Variants in MACROD2 observed in about 807,000 individuals in gnomAD.
MACROD2 encodes ADP-ribose glycohydrolase MACROD2.
Under a neutral mutation model 70.4 loss-of-function variants are expected in MACROD2, and 36 were observed. That is an observed-to-expected ratio of 0.51 (90% CI 0.39 to 0.68). MACROD2 has a LOEUF of 0.68. MACROD2 is among the 30% of genes least tolerant of loss of function. The probability of loss-of-function intolerance (pLI) is 0.00; values close to 1 mark genes in which losing one functional copy is unlikely to be tolerated. For missense variants in MACROD2, 496 were observed against 538.4 expected, an observed-to-expected ratio of 0.92 and a Z score of 0.78; for synonymous variants, 172 against 178.8, an observed-to-expected ratio of 0.96 and a Z score of 0.30.
At chr20:14,147,555 T>C (rs910534375) in intron 3 of MACROD2, among the ~76,000 whole-genome samples, 10 of 152,220 alleles carry the variant, frequency 6.6e-5, no homozygotes, top group African/African-American at 2.4e-4. Context: ...TGATAAGATA[T>C]TACTTGACCT....
chr20:15,431,557 A>T, intron 7 of MACROD2, 122 bp downstream of exon 7: 1 of 878,992 alleles, frequency 1.1e-6, no homozygotes, highest in Middle Eastern at 3.0e-4. Flanking sequence ...GAGACTAAAA[A>T]TGCTCGTCAA....
chr20:14,375,313 T>C (rs2083361486), intron 3 of MACROD2, among the ~76,000 whole-genome samples: 1 of 152,130 alleles, frequency 6.6e-6, no homozygotes, highest in African/African-American at 2.4e-5. Context: ...ATAGAATATA[T>C]ATATTTAAAG....
At chr20:15,061,365 TCAATAA>T (rs1443106773) in intron 5 of MACROD2, among the ~76,000 whole-genome samples, 2 of 152,272 alleles carry the variant, frequency 1.3e-5, no homozygotes, top group Middle Eastern at 3.4e-3. Flanking sequence ...GTGGCATCAC[TCAATAA>T]CAATAAGGAA....
At chr20:14,441,556 T>C (rs2084123661) in intron 3 of MACROD2, among the ~76,000 whole-genome samples, 2 of 152,160 alleles carry the variant, frequency 1.3e-5, no homozygotes, top group African/African-American at 4.8e-5. Context: ...TCTCTCAGCT[T>C]CCAATAAAGA....
chr20:14,499,992 A>G (rs1286791082), intron 4 of MACROD2, among the ~76,000 whole-genome samples: 2 of 152,228 alleles, frequency 1.3e-5, no homozygotes, highest in Admixed American at 6.5e-5. Context: ...ATGAAACAGA[A>G]CAAAGGAAGT....
chr20:14,669,991 C>T (rs996990062), intron 4 of MACROD2, among the ~76,000 whole-genome samples: 4 of 151,836 alleles, frequency 2.6e-5, no homozygotes, highest in African/African-American at 9.7e-5. Context: ...AGGGTCTCTG[C>T]CTGGATGGAG....
chr20:14,128,335 A>G, intron 3 of MACROD2: 1 of 162,892 alleles, frequency 6.1e-6, no homozygotes, highest in Admixed American at 6.3e-5. Flanking sequence ...GGAATAAAAT[A>G]AAACAAAATG....
intron 5 of MACROD2, among the ~76,000 whole-genome samples, chr20:14,723,295 T>C (rs1342983100): frequency 6.6e-6 from 1 of 152,038 alleles, no homozygotes; most frequent in Non-Finnish European, 1.5e-5. Flanking sequence ...TATATATCCT[T>C]TTTGATTATT....
At chr20:15,939,423 C>T (rs1176985329) in intron 12 of MACROD2, among the ~76,000 whole-genome samples, 3 of 152,086 alleles carry the variant, frequency 2.0e-5, no homozygotes, top group African/African-American at 7.2e-5. Flanking sequence ...CCCACCTGTG[C>T]TCTGTAAATG....
At chr20:15,146,130 G>C (rs142803124) in intron 5 of MACROD2, among the ~76,000 whole-genome samples, 1 of 151,762 alleles carries the variant, frequency 6.6e-6, no homozygotes, top group Non-Finnish European at 1.5e-5. Context: ...AATAATTTTC[G>C]GTTGTTTCAT....
chr20:15,072,639 A>G lies in MACROD2; in HGVS notation c.419-157301A>G, dbSNP rs2075627523. The stretch of plus-strand genomic sequence containing the variant: ...TTCCATCAATTACTTCCAGTCTAGC[A>G]GCTTTTAGCAAGATTCTTGTTTGAG... On this transcript the variant is annotated intron_variant, in intron 5 of 17. Coordinates refer to ENST00000684519, the MANE Select transcript of MACROD2 (RefSeq NM_001351661.2). 3.3e-5 allele frequency among the ~76,000 whole-genome samples: 5 copies of G among 152,170 alleles called. No homozygotes were observed. The South Asian group carries it at 1.0e-3, about 32-fold the overall frequency.
chr20:15,115,258 C>G (rs1264994751), intron 5 of MACROD2, among the ~76,000 whole-genome samples: 5 of 152,058 alleles, frequency 3.3e-5, no homozygotes, highest in African/African-American at 1.2e-4. Context: ...TTGACGGGGT[C>G]TCACTTTGTT....
intron 10 of MACROD2, among the ~76,000 whole-genome samples, chr20:15,924,241 A>C (rs1052603505): frequency 6.6e-6 from 1 of 152,246 alleles, no homozygotes; most frequent in African/African-American, 2.4e-5. Context: ...TTCCCATGAT[A>C]ATATGGGGCT....
intron 8 of MACROD2, among the ~76,000 whole-genome samples, chr20:15,834,656 A>G (rs375131128): frequency 6.6e-6 from 1 of 152,082 alleles, no homozygotes; most frequent in African/African-American, 2.4e-5. Flanking sequence ...TTATTATTCT[A>G]TCTAACCATC....
intron 5 of MACROD2, among the ~76,000 whole-genome samples, chr20:14,990,100 T>C (rs1293775357): frequency 6.6e-6 from 1 of 152,056 alleles, no homozygotes; most frequent in Non-Finnish European, 1.5e-5. Flanking sequence ...GTCATTTCAC[T>C]GAATACATCA....
chr20:14,003,685 C>A, intron 2 of MACROD2: 1 of 479,982 alleles, frequency 2.1e-6, no homozygotes, highest in Non-Finnish European at 4.2e-6. Flanking sequence ...TTGCCCTAGC[C>A]AGTCCCCACA....
intron 8 of MACROD2, among the ~76,000 whole-genome samples, chr20:15,786,566 A>G (rs1302817967): frequency 5.3e-5 from 8 of 152,232 alleles, no homozygotes; most frequent in Non-Finnish European, 1.2e-4. Context: ...AGAATAAGAT[A>G]ATACTCCTCC....
At chr20:15,417,188 CTG>C (rs1282189392) in intron 6 of MACROD2, among the ~76,000 whole-genome samples, 1 of 152,068 alleles carries the variant, frequency 6.6e-6, no homozygotes, top group African/African-American at 2.4e-5. Context: ...GGAAGAGAGA[CTG>C]TGCTGGATAT....
intron 12 of MACROD2, among the ~76,000 whole-genome samples, chr20:15,945,100 T>C (rs2065803591): frequency 6.6e-6 from 1 of 152,172 alleles, no homozygotes; most frequent in South Asian, 2.1e-4. Flanking sequence ...AGTTTCCTCA[T>C]ACATAAAATA....
Sources: gnomAD v4.1 joint callset for allele counts (sites outside exome capture counted in the v4.1 genomes callset) on GRCh38, gnomAD v4.1.1 for gene constraint, MANE v1.5 for transcripts, NCBI Gene and HGNC (gene_info 2026-07-23, HGNC 2026-07-21) for gene names.